The following PDE11A variants were observed in gnomAD, a reference collection of about 807,000 sequenced individuals.
PDE11A encodes phosphodiesterase 11A.
In PDE11A, 100 loss-of-function variants were observed where a neutral mutation model predicts 100.5. The observed-to-expected ratio is 1.00, with a 90% CI of 0.85 to 1.18. PDE11A has a LOEUF of 1.18. PDE11A is among the 50% of genes most tolerant of loss of function. The pLI, the probability that PDE11A is intolerant of heterozygous loss-of-function variation, is 0.00. For missense variants in PDE11A, 1,141 were observed against 1,152.6 expected (o/e 0.99, Z 0.15); for synonymous variants, 381 against 420.8 (o/e 0.91, Z 1.16).
chr2:177,677,654 G>A (rs1028241825), intron 16 of PDE11A, among the ~76,000 whole-genome samples: 12 of 152,286 alleles, frequency 7.9e-5, no homozygotes, highest in African/African-American at 2.9e-4. Flanking sequence ...AAATTGATAG[G>A]AGCCTAAAAC....
chr2:177,760,966 A>C (rs940552154), intron 10 of PDE11A, among the ~76,000 whole-genome samples: 6 of 152,228 alleles, frequency 3.9e-5, no homozygotes, highest in Non-Finnish European at 7.3e-5. Flanking sequence ...AGACTATAGA[A>C]CTATATAAAA....
At chr2:177,954,520 G>A (rs1275556380) in intron 2 of PDE11A, among the ~76,000 whole-genome samples, 1 of 152,112 alleles carries the variant, frequency 6.6e-6, no homozygotes, top group African/African-American at 2.4e-5. Context: ...CAGCTTCTTT[G>A]TACATCAGCC....
chr2:177,823,842 T>C (rs2083184646), intron 6 of PDE11A, among the ~76,000 whole-genome samples: 1 of 152,150 alleles, frequency 6.6e-6, no homozygotes, highest in Admixed American at 6.6e-5. Flanking sequence ...GACCATTGGG[T>C]TTGAGGCAGC....
chr2:177,698,301 TTC>T (rs1244751363), intron 14 of PDE11A: 1 of 152,192 alleles, frequency 6.6e-6, no homozygotes, highest in Non-Finnish European at 1.5e-5. Flanking sequence ...TACCCTTGTT[TTC>T]ATCAAAATTT....
chr2:177,969,467 C>A (rs561195714), intron 2 of PDE11A, among the ~76,000 whole-genome samples: 96 of 152,128 alleles, frequency 6.3e-4, no homozygotes, highest in African/African-American at 2.2e-3. Flanking sequence ...TTGCATTATA[C>A]CCATAATTTC....
chr2:177,885,909 A>G (rs943400602), intron 4 of PDE11A, among the ~76,000 whole-genome samples: 1 of 152,206 alleles, frequency 6.6e-6, no homozygotes, highest in East Asian at 1.9e-4. Flanking sequence ...GACACTAGCC[A>G]GGTATTTATA....
At chr2:177,695,398 T>C (rs1022000431) in intron 15 of PDE11A, among the ~76,000 whole-genome samples, 11 of 152,206 alleles carry the variant, frequency 7.2e-5, no homozygotes, top group African/African-American at 2.7e-4. Context: ...ATGTCCCAAA[T>C]GTTTCATGGG....
At chr2:177,821,732 T>C (rs552787440) in intron 6 of PDE11A, among the ~76,000 whole-genome samples, 2 of 151,882 alleles carry the variant, frequency 1.3e-5, no homozygotes, top group Non-Finnish European at 2.9e-5. Context: ...AGGGTGACCA[T>C]AAATCCTGGT....
At chr2:177,667,367 A>G (rs2365621) in intron 18 of PDE11A, among the ~76,000 whole-genome samples, 123,519 of 152,124 alleles carry the variant, frequency 0.81, 50,907 homozygotes, top group East Asian at 0.98. Flanking sequence ...TCTTCTAAGA[A>G]TTTTATAGTT....
chr2:177,769,509 C>A, intron 9 of PDE11A, 136 bp from the exon 10 acceptor site: 1 of 646,840 alleles, frequency 1.5e-6, no homozygotes, highest in Non-Finnish European at 2.7e-6. Context: ...TGACAAGAAA[C>A]AACATGTCTA....
intron 2 of PDE11A, among the ~76,000 whole-genome samples, chr2:177,907,688 T>C (rs887994832): frequency 2.0e-5 from 3 of 152,196 alleles, no homozygotes; most frequent in Non-Finnish European, 2.9e-5. Flanking sequence ...AAGATAGAGA[T>C]ACTGTCTCCT....
At position 177,854,790 on chromosome 2, in the gene PDE11A, G is replaced by A. The variant is rs151318544; in HGVS notation, c.1368-14407C>T. ...TGGCACCAGTCTTGTCTTCCATTGAGCTAATTCAGACCTGCTCAGCCACCT... is the reference window on the plus strand; with the variant it reads ...TGGCACCAGTCTTGTCTTCCATTGAACTAATTCAGACCTGCTCAGCCACCT... On this transcript the variant is annotated intron_variant, in intron 5 of 19. Coordinates refer to ENST00000286063, the MANE Select transcript of PDE11A (RefSeq NM_016953.4). 7.9e-5 allele frequency among the ~76,000 whole-genome samples: 12 copies of A among 152,202 alleles called. No homozygotes were observed. In the East Asian group the frequency reaches 2.1e-3, roughly 27 times the overall value.
At chr2:177,763,556 T>C (rs1025856761) in intron 10 of PDE11A, among the ~76,000 whole-genome samples, 1 of 152,118 alleles carries the variant, frequency 6.6e-6, no homozygotes, top group African/African-American at 2.4e-5. Context: ...CCTCTATGGG[T>C]CATCTGCCCT....
intron 6 of PDE11A, among the ~76,000 whole-genome samples, chr2:177,831,828 T>C (rs2083313378): frequency 1.3e-5 from 2 of 152,254 alleles, no homozygotes; most frequent in South Asian, 4.1e-4. Flanking sequence ...CTTTAACTGA[T>C]GCAGGGATTG....
intron 9 of PDE11A, among the ~76,000 whole-genome samples, chr2:177,783,026 C>T (rs2082475545): frequency 6.6e-6 from 1 of 152,216 alleles, no homozygotes; most frequent in African/African-American, 2.4e-5. Flanking sequence ...GGGCATTTCA[C>T]TGACCATTAA....
At chr2:177,894,188 C>A (rs1441302826) in intron 4 of PDE11A, among the ~76,000 whole-genome samples, 1 of 152,048 alleles carries the variant, frequency 6.6e-6, no homozygotes, top group East Asian at 1.9e-4. Context: ...AACTGTGACA[C>A]CTACAAGCCT....
At chr2:177,910,606 G>A (rs1017066489) in intron 2 of PDE11A, among the ~76,000 whole-genome samples, 4 of 151,598 alleles carry the variant, frequency 2.6e-5, no homozygotes, top group Admixed American at 6.6e-5. Context: ...GTCTGTACAC[G>A]CTTGTGCAGC....
chr2:177,928,858 G>A (rs562626805), intron 2 of PDE11A, among the ~76,000 whole-genome samples: 8 of 150,418 alleles, frequency 5.3e-5, no homozygotes, highest in Admixed American at 3.3e-4. Flanking sequence ...GAAAGACCCT[G>A]TCTCAAAAAA....
chr2:177,767,624 T>C lies in PDE11A; in HGVS notation c.1788+1699A>G, dbSNP rs1229434396. Among the ~76,000 whole-genome samples, 3 of 152,220 alleles carry C rather than the reference T, an allele frequency of 2.0e-5. No homozygotes were observed. In the East Asian group the frequency reaches 5.8e-4, roughly 29 times the overall value. Reference sequence around the variant, plus strand: ...TTAAATATTTTTGATGGAAAATGTATAAAATTTACATACATTAAGTAAAAT... The same window carrying C: ...TTAAATATTTTTGATGGAAAATGTACAAAATTTACATACATTAAGTAAAAT... On this transcript the variant is annotated intron_variant, in intron 10 of 19. Transcript: ENST00000286063.
Sources: gnomAD v4.1 joint callset for allele counts (sites outside exome capture counted in the v4.1 genomes callset) on GRCh38, gnomAD v4.1.1 for gene constraint, MANE v1.5 for transcripts, NCBI Gene and HGNC (gene_info 2026-07-23, HGNC 2026-07-21) for gene names.